Variants in NDRG3 observed in about 807,000 individuals in gnomAD.
The protein encoded by NDRG3 is protein NDRG3.
NDRG3 carries 23 observed loss-of-function variants against 57.2 expected under a neutral mutation model. The observed-to-expected ratio is 0.40, with a 90% CI of 0.29 to 0.57. The LOEUF is 0.57. NDRG3 is among the 20% of genes least tolerant of loss of function. The pLI is 0.42. For synonymous variants in NDRG3, 132 were observed against 162.6 expected (o/e 0.81, Z 1.43); for missense variants, 384 against 457.3 (o/e 0.84, Z 1.46).
chr20:36,718,871 G>A (rs748521607), intron 2 of NDRG3, among the ~76,000 whole-genome samples: 6 of 152,138 alleles, frequency 3.9e-5, no homozygotes, highest in Non-Finnish European at 7.4e-5. Context: ...TTGGTAGACA[G>A]GATCTCCCTT....
chr20:36,745,982 G>C, intron 1 of NDRG3, 63 bp downstream of exon 1: 2 of 318,252 alleles, frequency 6.3e-6, no homozygotes, highest in East Asian at 9.1e-5. Flanking sequence ...CAGGGCAAAG[G>C]AGCGACGCCC....
intron 3 of NDRG3, among the ~76,000 whole-genome samples, chr20:36,704,395 C>T (rs928880838): frequency 4.6e-5 from 7 of 152,046 alleles, no homozygotes; most frequent in African/African-American, 1.4e-4. Context: ...TTTCTTACTT[C>T]GGAGGAGGTG....
chr20:36,727,409 G>T (rs192390086), intron 1 of NDRG3, among the ~76,000 whole-genome samples: 2 of 151,604 alleles, frequency 1.3e-5, no homozygotes, highest in East Asian at 3.9e-4. Context: ...TAGTAGAGAC[G>T]GGGTTTCACC....
intron 8 of NDRG3, among the ~76,000 whole-genome samples, chr20:36,679,438 C>A (rs1981047847): frequency 6.6e-6 from 1 of 152,014 alleles, no homozygotes; most frequent in Non-Finnish European, 1.5e-5. Flanking sequence ...ATAACAGAAA[C>A]AACTCGTTCT....
chr20:36,680,707 T>C, intron 8 of NDRG3, 109 bp downstream of exon 8: 1 of 732,522 alleles, frequency 1.4e-6, no homozygotes, highest in Non-Finnish European at 2.3e-6. Flanking sequence ...CTTCAAGCTA[T>C]ATACTTAACA....
intron 2 of NDRG3, among the ~76,000 whole-genome samples, chr20:36,718,406 A>G (rs1015251270): frequency 1.3e-5 from 2 of 152,226 alleles, no homozygotes; most frequent in Non-Finnish European, 2.9e-5. Flanking sequence ...TAGGAACAGC[A>G]TAGGCCTATC....
intron 1 of NDRG3, among the ~76,000 whole-genome samples, chr20:36,729,290 G>A (rs1985134242): frequency 1.3e-5 from 2 of 152,328 alleles, no homozygotes; most frequent in Admixed American, 1.3e-4. Flanking sequence ...TGTGGAATGA[G>A]TAGAGAAAAG....
chr20:36,664,930 C>T (rs1383096723), intron 12 of NDRG3, 116 bp downstream of exon 12: 5 of 1,033,866 alleles, frequency 4.8e-6, no homozygotes, highest in Non-Finnish European at 4.6e-6. Flanking sequence ...CTCAAGCGAT[C>T]CTCCTGCCTC....
intron 2 of NDRG3, among the ~76,000 whole-genome samples, chr20:36,719,808 T>C (rs1435795560): frequency 3.3e-5 from 5 of 150,564 alleles, no homozygotes; most frequent in African/African-American, 1.2e-4. Flanking sequence ...ACCAAAAGAA[T>C]AGAGTGGAAA....
chr20:36,695,843 T>C (rs914694478), intron 3 of NDRG3, among the ~76,000 whole-genome samples: 2 of 152,158 alleles, frequency 1.3e-5, no homozygotes, highest in Non-Finnish European at 2.9e-5. Flanking sequence ...AAGCATGTGA[T>C]CTCTGTGACC....
chr20:36,739,854 G>A (rs1200620340), intron 1 of NDRG3, among the ~76,000 whole-genome samples: 2 of 143,678 alleles, frequency 1.4e-5, no homozygotes, highest in Non-Finnish European at 3.0e-5. Flanking sequence ...AGCTTGCAGT[G>A]AGCTGAGATC....
intron 1 of NDRG3, among the ~76,000 whole-genome samples, chr20:36,726,035 C>T (rs1984913847): frequency 6.6e-6 from 1 of 151,832 alleles, no homozygotes; most frequent in African/African-American, 2.4e-5. Context: ...TCCTCCCACC[C>T]CAGCCTCTCA....
intron 8 of NDRG3, among the ~76,000 whole-genome samples, chr20:36,673,429 C>G (rs371986579): frequency 6.6e-6 from 1 of 151,952 alleles, no homozygotes; most frequent in Non-Finnish European, 1.5e-5. Context: ...GACAGGGTCT[C>G]GTTCTCTTGT....
intron 2 of NDRG3, among the ~76,000 whole-genome samples, chr20:36,714,069 C>A (rs925918116): frequency 2.0e-5 from 3 of 151,994 alleles, no homozygotes; most frequent in African/African-American, 7.2e-5. Context: ...TTCATATAAT[C>A]AACTAGTATA....
Position 36,687,520 on chromosome 20 carries a change from G to C in NDRG3, c.292C>G (p.Gln98Glu), listed in dbSNP as rs1278558171. ...AVCHVDAPGQ[Q>E]EGAPSFPTGY... ...GTTGGGAAAGAGGGTGCACCTTCCT[G>C]CTGGCCTGGGGCATCCACATGACAG... is the stretch of plus-strand genomic sequence containing the variant. The change falls in exon 5 of 16, where the codon CAG (glutamine) becomes GAG (glutamate). Residue 98 changes from glutamine (Q) to glutamate (E), a missense_variant. Coordinates refer to ENST00000349004, the MANE Select transcript of NDRG3 (RefSeq NM_032013.4). 1.2e-6 allele frequency: 2 copies of C among 1,613,840 alleles called. No individual in the cohort carries two copies. The highest frequency in any genetic ancestry group is 2.7e-5 in the African/African-American group (2 of 74,910).
chr20:36,741,844 C>T (rs761256386), intron 1 of NDRG3, among the ~76,000 whole-genome samples: 1 of 152,138 alleles, frequency 6.6e-6, no homozygotes. Flanking sequence ...CTCTGAAGGT[C>T]GAGCCCAGGA....
At chr20:36,682,432 T>C (rs987796423) in intron 7 of NDRG3, 86 bp downstream of exon 7, 1 of 1,093,458 alleles carries the variant, frequency 9.1e-7, no homozygotes, top group African/African-American at 1.6e-5. Flanking sequence ...AGGCCCAGAA[T>C]ACTGCCTGGT....
chr20:36,698,340 A>G (rs993275541), intron 3 of NDRG3, among the ~76,000 whole-genome samples: 26 of 151,482 alleles, frequency 1.7e-4, no homozygotes, highest in Non-Finnish European at 3.7e-4. Context: ...CTGTAATCCC[A>G]GCACTTTGGG....
intron 8 of NDRG3, among the ~76,000 whole-genome samples, chr20:36,672,050 T>C (rs771307284): frequency 6.6e-6 from 1 of 152,218 alleles, no homozygotes; most frequent in Non-Finnish European, 1.5e-5. Context: ...ACTGGATTTA[T>C]GGCTGATAAG....
Sources: allele counts gnomAD v4.1 joint callset (sites outside exome capture counted in the v4.1 genomes callset), GRCh38; gene constraint gnomAD v4.1.1; transcripts MANE v1.5; gene names NCBI Gene and HGNC (gene_info 2026-07-23, HGNC 2026-07-21).